Variants in KRAS observed in about 807,000 individuals in gnomAD.
The protein encoded by KRAS is GTPase KRas.
In KRAS, 1 loss-of-function variant was observed where a neutral mutation model predicts 21.0. The observed-to-expected ratio is 0.05, with a 90% CI of 0.02 to 0.23. KRAS has a LOEUF of 0.23. KRAS is among the 10% of genes least tolerant of loss of function. The probability of loss-of-function intolerance (pLI) is 1.00; values close to 1 mark genes in which losing one functional copy is unlikely to be tolerated. For missense variants in KRAS, 107 were observed against 221.8 expected (o/e 0.48, Z 3.29); for synonymous variants, 67 against 72.5 (o/e 0.92, Z 0.39).
Position 25,209,569 on chromosome 12 carries a change from C to G in KRAS, c.*226G>C. Reference sequence around the variant, plus strand: ...AATCTTAGGTATTCAGTTTCTTTTTCACAGGCATTGCTAGTTCAAAAACCA... The same window carrying G: ...AATCTTAGGTATTCAGTTTCTTTTTGACAGGCATTGCTAGTTCAAAAACCA... On this transcript the variant is annotated 3_prime_UTR_variant, in exon 5 of 5. Transcript: ENST00000311936. 7.5e-7 allele frequency: 1 copy of G among 1,329,880 alleles called. No homozygotes were observed. Among genetic ancestry groups the G allele is most frequent in the Non-Finnish European group, 9.6e-7 (1 of 1,043,442 alleles). 82.4% of individuals were successfully genotyped at this position (1,329,880 alleles called of 1,614,324 possible).
intron 1 of KRAS, among the ~76,000 whole-genome samples, chr12:25,247,121 T>C (rs1301957124): frequency 1.3e-5 from 2 of 152,160 alleles, no homozygotes; most frequent in Non-Finnish European, 2.9e-5. Context: ...TCACCTCCTT[T>C]CCCTCATGTA....
chr12:25,222,969 A>G (rs957688199), intron 4 of KRAS, among the ~76,000 whole-genome samples: 8 of 152,196 alleles, frequency 5.3e-5, no homozygotes, highest in African/African-American at 1.9e-4. Flanking sequence ...AGTATGGTCC[A>G]AGTACCAAGA....
At chr12:25,210,626 A>G (rs1951191691) in intron 4 of KRAS, 1 of 152,174 alleles carries the variant, frequency 6.6e-6, no homozygotes, top group African/African-American at 2.4e-5. Context: ...TAGCTAAATC[A>G]TTTGAAAGGT....
rs1213279187 is a variant in KRAS at position 25,209,750 on chromosome 12, T to C, written c.*45A>G. ...ATAATTTAGTGTAATGTACAAAAAT[T>C]ACCACTTGTACTAGTATGCCTTAAG... On this transcript the variant is annotated 3_prime_UTR_variant, in exon 5 of 5. Transcript: ENST00000311936. 6.3e-7 allele frequency: 1 copy of C among 1,594,750 alleles called. No individual in the cohort carries two copies. The highest frequency in any genetic ancestry group is 8.5e-7 in the Non-Finnish European group (1 of 1,170,430).
intron 4 of KRAS, among the ~76,000 whole-genome samples, chr12:25,211,992 T>C (rs1319781609): frequency 6.6e-6 from 1 of 152,230 alleles, no homozygotes; most frequent in African/African-American, 2.4e-5. Flanking sequence ...CAAGGTTTGA[T>C]TACATATATG....
chr12:25,206,991 GC>G lies in KRAS; in HGVS notation c.*2803del, dbSNP rs1565877527. ...ACAATGAAGTGATTTACATAAAGTAGCTTGATCGAAGAGTTTCAGTGGAATC... is the reference window on the plus strand; with the variant it reads ...ACAATGAAGTGATTTACATAAAGTAGTTGATCGAAGAGTTTCAGTGGAATC... On this transcript the variant is annotated 3_prime_UTR_variant, in exon 5 of 5. Coordinates refer to ENST00000311936, the MANE Select transcript of KRAS (RefSeq NM_004985.5). The G allele has an allele frequency of 4.9e-6, 1 of 206,154 alleles. No individual in the cohort carries two copies. Among genetic ancestry groups the G allele is most frequent in the African/African-American group, 2.3e-5 (1 of 43,786 alleles). 12.8% of individuals were successfully genotyped at this position (206,154 alleles called of 1,614,324 possible). A position where few individuals can be genotyped will look rare whatever the true frequency, so the allele number is the denominator to read the frequency against.
intron 4 of KRAS, 57 bp downstream of exon 4, chr12:25,225,557 A>T (rs2141505263): frequency 6.7e-7 from 1 of 1,500,108 alleles, no homozygotes. Flanking sequence ...ATATTAAATG[A>T]CATAACAGTT....
rs201018124 is a variant in KRAS, at chr12:25,248,030, A to AT, written c.-11-2636dup. Among the ~76,000 whole-genome samples, 65 of 150,074 alleles carry AT rather than the reference A, an allele frequency of 4.3e-4. 2 individuals are homozygous for AT. The Middle Eastern group carries it at 0.017, about 40-fold the overall frequency. ...AATCAAAGATTTTTTTTAATCCTGG[A>AT]TTTTTTTTTTCTTTATAACAAGGTC... On this transcript the variant is annotated intron_variant, in intron 1 of 4. Coordinates refer to ENST00000311936, the MANE Select transcript of KRAS (RefSeq NM_004985.5).
chr12:25,216,833 A>G (rs188507031), intron 4 of KRAS, among the ~76,000 whole-genome samples: 1 of 152,332 alleles, frequency 6.6e-6, no homozygotes, highest in East Asian at 1.9e-4. Flanking sequence ...GCATACCATC[A>G]AAGTAGGGGC....
Position 25,209,929 on chromosome 12 carries a change from T to A in KRAS, c.451-18A>T, listed in dbSNP as rs200189105. ...TCAACACCCTGAAATACATAAAAAG[T>A]ATTAAAATGTGAATATATACGATGG... On this transcript the variant is annotated intron_variant, in intron 4 of 4. Transcript: ENST00000311936. 1 of 1,586,470 alleles carries A rather than the reference T, an allele frequency of 6.3e-7. No individual in the cohort carries two copies. The highest frequency in any genetic ancestry group is 8.6e-7 in the Non-Finnish European group (1 of 1,160,100).
intron 4 of KRAS, among the ~76,000 whole-genome samples, chr12:25,211,608 T>C (rs1235129766): frequency 6.6e-6 from 1 of 152,032 alleles, no homozygotes; most frequent in African/African-American, 2.4e-5. Flanking sequence ...TGTTAAGTGG[T>C]ATTTCTCCTT....
intron 4 of KRAS, among the ~76,000 whole-genome samples, chr12:25,213,535 G>A (rs1315543922): frequency 4.6e-5 from 7 of 152,096 alleles, no homozygotes; most frequent in Admixed American, 3.9e-4. Context: ...AACATTCAGA[G>A]TTCATAAATT....
chr12:25,233,777 A>C (rs941600394), intron 2 of KRAS: 1 of 207,400 alleles, frequency 4.8e-6, no homozygotes, highest in South Asian at 1.9e-4. Context: ...CTTGAACGCT[A>C]TAGGTAATTA....
rs1951141083 is a variant in KRAS at position 25,206,585 on chromosome 12, A to G, written c.*3210T>C. 5.0e-6 allele frequency: 1 copy of G among 199,690 alleles called. No individual in the cohort carries two copies. Among genetic ancestry groups the G allele is most frequent in the Admixed American group, 6.0e-5 (1 of 16,604 alleles). The allele number at this position is 199,690 out of a possible 1,614,324, so 12.4% of individuals were successfully genotyped here. Reference sequence around the variant, plus strand: ...CATCAAAAATTCAAGAGGCCTAAATATCCCCTCATAAGCACTGCAGTTCCT... The same window carrying G: ...CATCAAAAATTCAAGAGGCCTAAATGTCCCCTCATAAGCACTGCAGTTCCT... On this transcript the variant is annotated 3_prime_UTR_variant, in exon 5 of 5. Coordinates refer to ENST00000311936, the MANE Select transcript of KRAS (RefSeq NM_004985.5).
rs183500137 is a variant in KRAS, at chr12:25,230,857, T to C, written c.112-3445A>G. 9.8e-5 allele frequency among the ~76,000 whole-genome samples: 15 copies of C among 152,314 alleles called. No individual in the cohort carries two copies. The East Asian group carries it at 2.9e-3, about 29-fold the overall frequency. ...TATTTATTTTCTAAATAAGAGGCTC[T>C]TTAGTAGAGATTTGAGCATTCAGTT... On this transcript the variant is annotated intron_variant, in intron 2 of 4. Transcript: ENST00000311936.
rs1049212584 is a variant in KRAS, at chr12:25,250,863, CGCCGCCACCTTCGCCGCCGCCACT to C, written c.-148_-125del. On this transcript the variant is annotated 5_prime_UTR_variant, in exon 1 of 5. Coordinates refer to ENST00000311936, the MANE Select transcript of KRAS (RefSeq NM_004985.5). ...CGGGGGCCGGGAGTACTGGCCGAGC[CGCCGCCACCTTCGCCGCCGCCACT>C]GCCGCCGCCGCTGCTGCCTCCGCCG... 2.0e-4 allele frequency: 50 copies of C among 245,970 alleles called. No individual in the cohort carries two copies. The highest frequency in any genetic ancestry group is 1.8e-3 in the East Asian group (28 of 15,446). The allele number at this position is 245,970 out of a possible 1,614,324, so 15.2% of individuals were successfully genotyped here.
chr12:25,216,045 T>TA (rs1483818011), intron 4 of KRAS, among the ~76,000 whole-genome samples: 1 of 152,138 alleles, frequency 6.6e-6, no homozygotes, highest in Admixed American at 6.5e-5. Flanking sequence ...AACAAAAACA[T>TA]AAAAGAATCT....
rs374667837 is a variant in KRAS at position 25,225,576 on chromosome 12, G to T, written c.450+38C>A. The T allele has an allele frequency of 3.8e-6, 6 of 1,586,494 alleles. No homozygotes were observed. The African/African-American group carries it at 8.1e-5, about 21-fold the overall frequency. On this transcript the variant is annotated intron_variant, in intron 4 of 4. Coordinates refer to ENST00000311936, the MANE Select transcript of KRAS (RefSeq NM_004985.5). ...TAAATGACATAACAGTTATGATTTT[G>T]CAGAAAACAGATCTGTATTTATTTC...
intron 4 of KRAS, among the ~76,000 whole-genome samples, chr12:25,213,114 C>A (rs375157672): frequency 1.7e-3 from 265 of 151,988 alleles, no homozygotes; most frequent in Non-Finnish European, 3.4e-3. Context: ...TTTTAATTAC[C>A]AAGTATACTT....
Sources: gnomAD v4.1 joint callset for allele counts (sites outside exome capture counted in the v4.1 genomes callset) on GRCh38, gnomAD v4.1.1 for gene constraint, MANE v1.5 for transcripts, NCBI Gene and HGNC (gene_info 2026-07-23, HGNC 2026-07-21) for gene names.